The following USH2A variants were observed in gnomAD, a reference collection of about 807,000 sequenced individuals.
USH2A encodes the protein usherin.
In USH2A, 443 loss-of-function variants were observed where a neutral mutation model predicts 538.9. The observed-to-expected ratio is 0.82, with a 90% CI of 0.76 to 0.89. The LOEUF (loss-of-function observed/expected upper bound fraction) is 0.89. USH2A is among the 40% of genes least tolerant of loss of function. The pLI is 0.00. For missense variants in USH2A, 6,633 were observed against 6,324.8 expected (o/e 1.05, Z -1.65); for synonymous variants, 2,413 against 2,273.5 (o/e 1.06, Z -1.75).
intron 3 of USH2A, among the ~76,000 whole-genome samples, chr1:216,373,181 T>A (rs2038747312): frequency 6.6e-6 from 1 of 152,200 alleles, no homozygotes; most frequent in Non-Finnish European, 1.5e-5. Flanking sequence ...AAGGGGTATA[T>A]AAAGCACAGA....
chr1:215,924,607 A>AT (rs67230265), intron 38 of USH2A, among the ~76,000 whole-genome samples: 150 of 150,328 alleles, frequency 1.0e-3, no homozygotes, highest in African/African-American at 3.3e-3. Context: ...GACAGACATG[A>AT]TTTTTTTTTT....
intron 21 of USH2A, among the ~76,000 whole-genome samples, chr1:216,113,483 G>A (rs1029190385): frequency 4.6e-5 from 7 of 152,204 alleles, no homozygotes; most frequent in East Asian, 1.9e-4. Flanking sequence ...TCTGAAAGAC[G>A]CCAACTAGTA....
chr1:216,046,578 G>A lies in USH2A; in HGVS notation c.6178C>T (p.Gln2060Ter). 6.2e-7 allele frequency: 1 copy of A among 1,613,804 alleles called. No homozygotes were observed. The highest frequency in any genetic ancestry group is 8.5e-7 in the Non-Finnish European group (1 of 1,179,750). Residue 2060 changes from glutamine to a stop codon, truncating the protein, a stop_gained, in exon 32 of 72, where the codon CAG becomes TAG. Coordinates refer to ENST00000307340, the MANE Select transcript of USH2A (RefSeq NM_206933.4). LOFTEE classifies it high-confidence loss of function. ...GGAAGGGATTTGGCTACTGGTGGCT[G>A]AACCTCTTGTGGGGCTGTGGAAGAA... ...STPQEAPQEV[Q>*]PPVAKSLPSS...
chr1:216,347,543 T>A (rs12407759), intron 4 of USH2A, among the ~76,000 whole-genome samples: 37,857 of 152,010 alleles, frequency 0.25, 4,762 homozygotes, highest in Middle Eastern at 0.33. Context: ...ACAGGAAGCA[T>A]AGAAAAATAT....
intron 47 of USH2A, among the ~76,000 whole-genome samples, chr1:215,819,903 A>G (rs1327484358): frequency 3.3e-5 from 5 of 151,768 alleles, no homozygotes; most frequent in Non-Finnish European, 7.4e-5. Flanking sequence ...GAGACAATTG[A>G]AACTCCTTTG....
At chr1:216,382,353 A>C (rs533661159) in intron 3 of USH2A, among the ~76,000 whole-genome samples, 1 of 152,330 alleles carries the variant, frequency 6.6e-6, no homozygotes, top group South Asian at 2.1e-4. Flanking sequence ...AGTAAGGGAG[A>C]GTATTCTTGG....
intron 55 of USH2A, among the ~76,000 whole-genome samples, chr1:215,771,598 A>C (rs1661290010): frequency 1.1e-5 from 1 of 91,616 alleles, no homozygotes; most frequent in Non-Finnish European, 2.9e-5. Context: ...AAAAAAAAAA[A>C]AAAAAAAAAA....
At chr1:216,196,861 T>C (rs1384608691) in intron 18 of USH2A, 139 bp from the exon 19 acceptor site, 14 of 967,708 alleles carry the variant, frequency 1.4e-5, no homozygotes, top group Non-Finnish European at 2.2e-5. Context: ...AGTCCAAGAA[T>C]ATGCTGGTAT....
chr1:216,360,481 A>G (rs974358065), intron 4 of USH2A, among the ~76,000 whole-genome samples: 1 of 152,072 alleles, frequency 6.6e-6, no homozygotes, highest in Non-Finnish European at 1.5e-5. Context: ...AGTAGTGGAT[A>G]CTTGTCGTTG....
intron 11 of USH2A, among the ~76,000 whole-genome samples, chr1:216,261,289 A>G (rs2036366272): frequency 6.6e-6 from 1 of 152,012 alleles, no homozygotes; most frequent in African/African-American, 2.4e-5. Flanking sequence ...CTAAAAGAAT[A>G]AACAATTGGT....
chr1:216,072,699 T>C (rs1038113363), intron 29 of USH2A, 190 bp downstream of exon 29: 4 of 631,790 alleles, frequency 6.3e-6, no homozygotes, highest in Non-Finnish European at 1.1e-5. Context: ...TAGTGAATTC[T>C]TGGTAAATGA....
chr1:215,653,244 T>C (rs1363985062), intron 64 of USH2A, among the ~76,000 whole-genome samples: 2 of 152,202 alleles, frequency 1.3e-5, no homozygotes, highest in Non-Finnish European at 2.9e-5. Flanking sequence ...CCCTGGATTT[T>C]AAAAACACTT....
chr1:215,637,657 A>G (rs938844825), intron 69 of USH2A, among the ~76,000 whole-genome samples: 71 of 152,348 alleles, frequency 4.7e-4, no homozygotes, highest in African/African-American at 1.7e-3. Flanking sequence ...ATTTTATATG[A>G]CATCCAGACA....
intron 47 of USH2A, 119 bp downstream of exon 47, chr1:215,837,872 A>C (rs1571735078): frequency 1.2e-6 from 1 of 833,058 alleles, no homozygotes; most frequent in East Asian, 2.5e-5. Context: ...TTTGATTTAC[A>C]CACATACTTA....
At chr1:215,780,393 T>C (rs1661598078) in intron 54 of USH2A, among the ~76,000 whole-genome samples, 1 of 152,198 alleles carries the variant, frequency 6.6e-6, no homozygotes, top group African/African-American at 2.4e-5. Context: ...CATCAGTGTC[T>C]TTGCATTTTA....
intron 44 of USH2A, among the ~76,000 whole-genome samples, chr1:215,846,804 T>A (rs916773133): frequency 2.6e-5 from 4 of 152,104 alleles, no homozygotes; most frequent in Non-Finnish European, 5.9e-5. Flanking sequence ...CTGACACAGA[T>A]CCTAGAGACA....
chr1:216,107,676 CT>C lies in USH2A; in HGVS notation c.4628-10464del, dbSNP rs1571966964. Among the ~76,000 whole-genome samples, 5 of 132,154 alleles carry C rather than the reference CT, an allele frequency of 3.8e-5. No homozygotes were observed. In the South Asian group the frequency reaches 8.3e-4, roughly 22 times the overall value. 86.7% of individuals were successfully genotyped at this position (132,154 alleles called of 152,430 possible). A position where few individuals can be genotyped will look rare whatever the true frequency, so the allele number is the denominator to read the frequency against. ...GCTATTTGAATTCTCTCTTTTCTTA[CT>C]TTCTTCTTCTTTTTTTTTTTTGCAT... is the stretch of plus-strand genomic sequence containing the variant. On this transcript the variant is annotated intron_variant, in intron 21 of 71. Coordinates refer to ENST00000307340, the MANE Select transcript of USH2A (RefSeq NM_206933.4).
intron 38 of USH2A, among the ~76,000 whole-genome samples, chr1:215,934,093 G>C (rs1666431656): frequency 6.6e-6 from 1 of 151,892 alleles, no homozygotes; most frequent in Non-Finnish European, 1.5e-5. Context: ...GTAATTATTA[G>C]GATCAGGAAT....
At chr1:216,329,911 C>T (rs1240139108) in intron 4 of USH2A, among the ~76,000 whole-genome samples, 1 of 152,006 alleles carries the variant, frequency 6.6e-6, no homozygotes, top group African/African-American at 2.4e-5. Flanking sequence ...AAAGAAATTA[C>T]CTGCATTTCA....
Sources: allele counts gnomAD v4.1 joint callset (sites outside exome capture counted in the v4.1 genomes callset), GRCh38; gene constraint gnomAD v4.1.1; transcripts MANE v1.5; gene names NCBI Gene and HGNC (gene_info 2026-07-23, HGNC 2026-07-21).